LDHD: variants seen among roughly 807,000 people sequenced by gnomAD.
LDHD encodes lactate dehydrogenase D, also known as D-lactate dehydrogenase, mitochondrial.
In LDHD, 58 loss-of-function variants were observed where a neutral mutation model predicts 52.9. That is an observed-to-expected ratio of 1.10 (90% CI 0.89 to 1.36). The LOEUF (loss-of-function observed/expected upper bound fraction) is 1.36. LDHD is among the 40% of genes most tolerant of loss of function. The pLI is 0.00. For synonymous variants in LDHD, 350 were observed against 288.6 expected (o/e 1.21, Z -2.16); for missense variants, 747 against 668.0 (o/e 1.12, Z -1.30).
At position 75,112,597 on chromosome 16, in the gene LDHD, C is replaced by G. The variant is rs779407158; in HGVS notation, c.1289+5G>C. ...AGCTCTTCCCCTCCCTGGCTTTGCT[C>G]CTACCTGCCCAGCTGTTCTGCAAAA... On this transcript the variant is annotated splice_donor_5th_base_variant and intron_variant, in intron 10 of 10. Coordinates refer to ENST00000450168, the MANE Select transcript of LDHD (RefSeq NM_194436.3). The G allele has an allele frequency of 3.1e-6, 5 of 1,614,096 alleles. No individual in the cohort carries two copies. The highest frequency in any genetic ancestry group is 4.2e-6 in the Non-Finnish European group (5 of 1,180,016).
In LDHD at chr16:75,112,294, AG is replaced by A; in HGVS notation, c.*61del. On this transcript the variant is annotated 3_prime_UTR_variant, in exon 11 of 11. Transcript: ENST00000450168. Reference sequence around the variant, plus strand: ...TTTCCTTGCAGGGGCCGTGGCATGAAGAAAAGTTCCAGAACCGGCTCCGTAG... The same window carrying A: ...TTTCCTTGCAGGGGCCGTGGCATGAAAAAAGTTCCAGAACCGGCTCCGTAG... 10 of 1,533,842 alleles carry A rather than the reference AG, an allele frequency of 6.5e-6. No homozygotes were observed. Among genetic ancestry groups the A allele is most frequent in the Non-Finnish European group, 8.8e-6 (10 of 1,132,098 alleles).
rs2036495008 is a variant in LDHD at position 75,114,575 on chromosome 16, G to C, written c.580C>G (p.Leu194Val). 2 of 1,532,208 alleles carry C rather than the reference G, an allele frequency of 1.3e-6. No homozygotes were observed. Among genetic ancestry groups the C allele is most frequent in the Non-Finnish European group, 1.7e-6 (2 of 1,144,322 alleles). The allele number at this position is 1,532,208 out of a possible 1,614,324, so 94.9% of individuals were successfully genotyped here. ...RDNVLNLEVV[L>V]PDGRLLHTAG... ...GTGTGCAGCAGCCGCCCGTCGGGCA[G>C]CACCACCTCCAGGTTGAGCACGTTG... The change falls in exon 5 of 11, where the codon CTG becomes GTG. Residue 194 changes from leucine (L) to valine (V), a missense_variant. By Grantham distance (32) the Leu-to-Val change is conservative. Transcript: ENST00000450168.
chr16:75,113,509 C>G (rs781273902), intron 8 of LDHD, 26 bp downstream of exon 8: 8 of 1,587,244 alleles, frequency 5.0e-6, no homozygotes, highest in Non-Finnish European at 6.8e-6. Context: ...GCTGTGGGCC[C>G]CATCTGTACC....
intron 8 of LDHD, 60 bp downstream of exon 8, chr16:75,113,475 T>C: frequency 6.5e-7 from 1 of 1,538,740 alleles, no homozygotes; most frequent in East Asian, 2.3e-5. Flanking sequence ...GAGTGGTGGG[T>C]TGAGGAAAGG....
At position 75,112,068 on chromosome 16, in the gene LDHD, T is replaced by TTCCCG. The variant is rs2036404889; in HGVS notation, c.*283_*287dup. The TTCCCG allele has an allele frequency of 2.6e-6, 1 of 391,296 alleles. No individual in the cohort carries two copies. Among genetic ancestry groups the TTCCCG allele is most frequent in the South Asian group, 5.7e-5 (1 of 17,658 alleles). The allele number at this position is 391,296 out of a possible 1,614,324, so 24.2% of individuals were successfully genotyped here. On this transcript the variant is annotated 3_prime_UTR_variant, in exon 11 of 11. Transcript: ENST00000450168. ...GTCTTGAATGGACCCAGACGCTCTC[T>TTCCCG]TCCCGCCAGGACAGGATGCGTAGGA... is the stretch of plus-strand genomic sequence containing the variant.
At chr16:75,116,602 C>T (rs1276376957) in intron 1 of LDHD, 47 bp downstream of exon 1, 6 of 1,513,726 alleles carry the variant, frequency 4.0e-6, no homozygotes, top group East Asian at 2.3e-5. Flanking sequence ...CCCTGCTCCC[C>T]GCTCCCCACC....
At chr16:75,114,415 C>T (rs1443997443) in intron 5 of LDHD, 111 bp downstream of exon 5, 13 of 1,372,010 alleles carry the variant, frequency 9.5e-6, no homozygotes, top group African/African-American at 1.5e-5. Context: ...GAAGCCTAGC[C>T]TGCCAAACCA....
At chr16:75,115,947 G>A (rs1479921776) in intron 1 of LDHD, among the ~76,000 whole-genome samples, 1 of 151,642 alleles carries the variant, frequency 6.6e-6, no homozygotes, top group Non-Finnish European at 1.5e-5. Context: ...GTCTTACTAT[G>A]TTGCCCAGGA....
rs575172594 is a variant in LDHD, at chr16:75,114,052, G to A, written c.743C>T (p.Ala248Val). Residue 248 changes from alanine to valine, a missense_variant, in exon 6 of 11, where the codon GCC becomes GTC. Transcript: ENST00000450168. ...RLHPAPEATVAATCAFPSVQA... is the reference protein window; with the variant it reads ...RLHPAPEATVVATCAFPSVQA... Reference sequence around the variant, plus strand: ...GACACTGGGGAACGCACACGTGGCGGCCACTGTGGCCTCAGGGGCAGGGTG... The same window carrying A: ...GACACTGGGGAACGCACACGTGGCGACCACTGTGGCCTCAGGGGCAGGGTG... 3 of 1,610,202 alleles carry A rather than the reference G, an allele frequency of 1.9e-6. No homozygotes were observed. The South Asian group carries it at 3.3e-5, about 18-fold the overall frequency.
chr16:75,115,159 G>C (rs369734194), intron 3 of LDHD, 39 bp downstream of exon 3: 1 of 1,588,814 alleles, frequency 6.3e-7, no homozygotes, highest in African/African-American at 1.3e-5. Flanking sequence ...AAGGTGTGCT[G>C]GGACCATCCT....
At position 75,114,981 on chromosome 16, in the gene LDHD, G is replaced by A. The variant is rs765634290; in HGVS notation, c.328-13C>T. The stretch of plus-strand genomic sequence containing the variant: ...CGCAGACGCCGCCCTGGTTGGGGCA[G>A]GTGCTAAGACCACTGCAGACCTGGG... On this transcript the variant is annotated splice_polypyrimidine_tract_variant and intron_variant, in intron 3 of 10. Transcript: ENST00000450168. 3.7e-6 allele frequency: 6 copies of A among 1,605,646 alleles called. No individual in the cohort carries two copies. In the South Asian group the frequency reaches 5.6e-5, roughly 15 times the overall value.
rs1188547007 is a variant in LDHD at position 75,114,517 on chromosome 16, G to A, written c.629+9C>T. 2.6e-6 allele frequency: 4 copies of A among 1,509,602 alleles called. No homozygotes were observed. The East Asian group carries it at 7.4e-5, about 28-fold the overall frequency. 93.5% of individuals were successfully genotyped at this position (1,509,602 alleles called of 1,614,324 possible). A position where few individuals can be genotyped will look rare whatever the true frequency, so the allele number is the denominator to read the frequency against. ...GCCAGAGCCCGGGCCCCCCGCAGAG[G>A]GCGCTCACCGGAAATGCCGGCCTCG... On this transcript the variant is annotated intron_variant, in intron 5 of 10. Transcript: ENST00000450168.
chr16:75,113,810 A>G lies in LDHD; in HGVS notation c.890T>C (p.Val297Ala), dbSNP rs1401786767. Residue 297 changes from valine (V) to alanine (A), a missense_variant, in exon 7 of 11, where the codon GTG (valine) becomes GCG (alanine). Physicochemically the swap from Val to Ala is moderately conservative, Grantham distance 64. Transcript: ENST00000450168. The stretch of plus-strand genomic sequence containing the variant: ...GAACTCCAGGAAGAGTGTGGGCGCC[A>G]CTAAGCAATTCAGCTTGCTGTACCT... ...CNRYSKLNCLVAPTLFLEFHG... is the reference protein window; with the variant it reads ...CNRYSKLNCLAAPTLFLEFHG... 11 of 1,614,096 alleles carry G rather than the reference A, an allele frequency of 6.8e-6. No individual in the cohort carries two copies. Among genetic ancestry groups the G allele is most frequent in the Non-Finnish European group, 9.3e-6 (11 of 1,180,016 alleles).
chr16:75,113,887 G>C lies in LDHD; in HGVS notation c.830-17C>G. On this transcript the variant is annotated splice_polypyrimidine_tract_variant and intron_variant, in intron 6 of 10. Transcript: ENST00000450168. ...CCAGGAACTCTGGATCCAGGGAGAT[G>C]GCAGGCCAGGTGAGGCCTGGCCTTC... 3 of 1,613,630 alleles carry C rather than the reference G, an allele frequency of 1.9e-6. No homozygotes were observed. Among genetic ancestry groups the C allele is most frequent in the Non-Finnish European group, 2.5e-6 (3 of 1,179,956 alleles).
At position 75,116,744 on chromosome 16, in the gene LDHD, T is replaced by C. The variant is rs772313816; in HGVS notation, c.-24A>G. ...ATAGCCAGGCACTGGCCAGAGGGTGTGAGCACTGGGTGGCAGGGTGACCAG... is the reference window on the plus strand; with the variant it reads ...ATAGCCAGGCACTGGCCAGAGGGTGCGAGCACTGGGTGGCAGGGTGACCAG... On this transcript the variant is annotated 5_prime_UTR_variant, in exon 1 of 11. Coordinates refer to ENST00000450168, the MANE Select transcript of LDHD (RefSeq NM_194436.3). 7.8e-6 allele frequency: 12 copies of C among 1,530,754 alleles called. No homozygotes were observed. Among genetic ancestry groups the C allele is most frequent in the African/African-American group, 1.4e-5 (1 of 71,200 alleles). 94.8% of individuals were successfully genotyped at this position (1,530,754 alleles called of 1,614,324 possible).
Position 75,112,303 on chromosome 16 carries a change from C to G in LDHD, c.*53G>C, listed in dbSNP as rs926376236. 60 of 1,551,126 alleles carry G rather than the reference C, an allele frequency of 3.9e-5. No homozygotes were observed. Among genetic ancestry groups the G allele is most frequent in the Non-Finnish European group, 5.0e-5 (57 of 1,144,358 alleles). ...AGGGGCCGTGGCATGAAGAAAAGTTCCAGAACCGGCTCCGTAGTCAGGGAA... is the reference window on the plus strand; with the variant it reads ...AGGGGCCGTGGCATGAAGAAAAGTTGCAGAACCGGCTCCGTAGTCAGGGAA... On this transcript the variant is annotated 3_prime_UTR_variant, in exon 11 of 11. Coordinates refer to ENST00000450168, the MANE Select transcript of LDHD (RefSeq NM_194436.3).
At chr16:75,112,762 C>T (rs766910414) in intron 9 of LDHD, 49 bp from the exon 10 acceptor site, 7 of 1,599,482 alleles carry the variant, frequency 4.4e-6, no homozygotes, top group Middle Eastern at 1.7e-4. Flanking sequence ...CCTCCTCTTG[C>T]CTCCTGCTGC....
intron 8 of LDHD, 130 bp from the exon 9 acceptor site, chr16:75,113,054 T>G (rs904330020): frequency 7.3e-6 from 5 of 688,940 alleles, no homozygotes; most frequent in Non-Finnish European, 1.3e-5. Context: ...ATAATCCTGC[T>G]CTTCTCTAGG....
intron 8 of LDHD, 101 bp downstream of exon 8, chr16:75,113,434 G>C: frequency 7.1e-7 from 1 of 1,410,148 alleles, no homozygotes; most frequent in Non-Finnish European, 9.5e-7. Context: ...CAGCCCCGTT[G>C]TTGAGGCTCA....
Sources: gnomAD v4.1 joint callset for allele counts (sites outside exome capture counted in the v4.1 genomes callset) on GRCh38, gnomAD v4.1.1 for gene constraint, MANE v1.5 for transcripts, NCBI Gene and HGNC (gene_info 2026-07-23, HGNC 2026-07-21) for gene names.